CPVL: variants seen among roughly 807,000 people sequenced by gnomAD.
CPVL encodes probable serine carboxypeptidase CPVL.
In CPVL, 51 loss-of-function variants were observed where a neutral mutation model predicts 63.7. The observed-to-expected ratio is 0.80, with a 90% CI of 0.64 to 1.01. The LOEUF (loss-of-function observed/expected upper bound fraction) is 1.01. CPVL is among the 50% of genes least tolerant of loss of function. The pLI is 0.00. For synonymous variants in CPVL, 195 were observed against 206.0 expected (o/e 0.95, Z 0.46); for missense variants, 530 against 573.1 (o/e 0.92, Z 0.77).
Position 29,095,129 on chromosome 7 carries a change from G to A in CPVL, c.417C>T (p.Asp139=). 1 of 1,613,804 alleles carries A rather than the reference G, an allele frequency of 6.2e-7. No homozygotes were observed. The highest frequency in any genetic ancestry group is 1.1e-5 in the South Asian group (1 of 91,062). Residue 139 remains aspartate (D), a synonymous_variant, in exon 5 of 13, where the codon GAC becomes GAT. Transcript: ENST00000265394. ...VTSNMTLRDR[D]FPWTTTLSML... is the part of the protein sequence containing the mutation. Reference sequence around the variant, plus strand: ...TGGAGAGCGTTGTGGTCCAGGGGAAGTCTCTGTCACGCACTGTGAAAACAA... The same window carrying A: ...TGGAGAGCGTTGTGGTCCAGGGGAAATCTCTGTCACGCACTGTGAAAACAA...
intron 5 of CPVL, among the ~76,000 whole-genome samples, chr7:29,169,961 T>C (rs1358375915): frequency 6.6e-6 from 1 of 151,920 alleles, no homozygotes; most frequent in African/African-American, 2.4e-5. Context: ...ATTGCAGCCT[T>C]GAACCCCTGG....
intron 11 of CPVL, among the ~76,000 whole-genome samples, chr7:29,057,436 A>G (rs1732128781): frequency 6.6e-6 from 1 of 151,736 alleles, no homozygotes; most frequent in African/African-American, 2.4e-5. Context: ...ATTTTCTCCC[A>G]CTCTGTGGCT....
chr7:29,115,791 T>C (rs907198186), intron 2 of CPVL, among the ~76,000 whole-genome samples: 1 of 151,208 alleles, frequency 6.6e-6, no homozygotes, highest in Non-Finnish European at 1.5e-5. Flanking sequence ...AGAGAAAATA[T>C]ATAATAGAAA....
At chr7:29,043,559 T>C (rs981861116) in intron 11 of CPVL, among the ~76,000 whole-genome samples, 9 of 151,286 alleles carry the variant, frequency 5.9e-5, no homozygotes, top group African/African-American at 2.2e-4. Context: ...ATCTTCAGAG[T>C]GAAAAGAGTA....
intron 11 of CPVL, among the ~76,000 whole-genome samples, 171 bp downstream of exon 11, chr7:29,063,890 G>C (rs559600732): frequency 6.6e-6 from 1 of 151,232 alleles, no homozygotes; most frequent in East Asian, 1.9e-4. Flanking sequence ...AAATTAAAAG[G>C]AACAATATAA....
chr7:29,040,598 C>T (rs1788972116), intron 11 of CPVL, among the ~76,000 whole-genome samples: 1 of 152,048 alleles, frequency 6.6e-6, no homozygotes, highest in African/African-American at 2.4e-5. Flanking sequence ...CCAAGTTGTT[C>T]TTAAAAAGAG....
intron 12 of CPVL, among the ~76,000 whole-genome samples, chr7:29,030,139 C>T (rs536261968): frequency 6.6e-6 from 1 of 152,326 alleles, no homozygotes; most frequent in East Asian, 1.9e-4. Flanking sequence ...TAACATCTGA[C>T]CCCGCAGTGG....
intron 11 of CPVL, among the ~76,000 whole-genome samples, chr7:29,041,874 A>ATT (rs970027772): frequency 3.3e-5 from 5 of 152,216 alleles, no homozygotes; most frequent in African/African-American, 1.2e-4. Flanking sequence ...ATATGATGAC[A>ATT]TTATATATAT....
chr7:29,046,594 T>C (rs190066984), intron 11 of CPVL, among the ~76,000 whole-genome samples: 20 of 143,442 alleles, frequency 1.4e-4, no homozygotes, highest in Admixed American at 2.8e-4. Flanking sequence ...CACACACACA[T>C]ACTCATACAC....
intron 9 of CPVL, among the ~76,000 whole-genome samples, chr7:29,069,707 G>A (rs894756477): frequency 6.6e-6 from 1 of 151,822 alleles, no homozygotes; most frequent in Non-Finnish European, 1.5e-5. Context: ...CAATCTATTT[G>A]TGTATCCTTC....
intron 2 of CPVL, among the ~76,000 whole-genome samples, chr7:29,117,555 T>C (rs905651412): frequency 6.6e-6 from 1 of 152,094 alleles, no homozygotes; most frequent in African/African-American, 2.4e-5. Context: ...GGTTGGCCAG[T>C]ATAGGGTTTA....
intron 10 of CPVL, among the ~76,000 whole-genome samples, chr7:29,064,939 CG>C (rs5883184): frequency 0.85 from 127,849 of 151,046 alleles, 54,044 homozygotes; most frequent in South Asian, 0.91. Context: ...TAAAAAAAAC[CG>C]CACACACACA....
At chr7:29,114,067 A>G (rs576534001) in intron 2 of CPVL, among the ~76,000 whole-genome samples, 9 of 152,306 alleles carry the variant, frequency 5.9e-5, no homozygotes, top group East Asian at 1.9e-4. Context: ...CTGGAAGGCT[A>G]ATTGTTAGCA....
chr7:29,134,953 A>G (rs1791042949), intron 1 of CPVL, among the ~76,000 whole-genome samples: 1 of 151,984 alleles, frequency 6.6e-6, no homozygotes, highest in Admixed American at 6.6e-5. Context: ...GGTTTAAAAA[A>G]TTAGCCAGAC....
At chr7:29,063,249 C>T (rs1279325797) in intron 11 of CPVL, among the ~76,000 whole-genome samples, 10 of 152,176 alleles carry the variant, frequency 6.6e-5, no homozygotes, top group Non-Finnish European at 1.3e-4. Flanking sequence ...TGACCTACTT[C>T]CAAACAGGGA....
intron 1 of CPVL, among the ~76,000 whole-genome samples, chr7:29,140,961 G>T (rs1240079199): frequency 6.6e-6 from 1 of 152,220 alleles, no homozygotes; most frequent in Non-Finnish European, 1.5e-5. Flanking sequence ...GAAGTAGGAA[G>T]GTTGCATGAC....
chr7:29,170,348 T>C (rs1484824809), intron 5 of CPVL, among the ~76,000 whole-genome samples: 1 of 152,230 alleles, frequency 6.6e-6, no homozygotes, highest in Non-Finnish European at 1.5e-5. Context: ...TATGCTTTCC[T>C]TCATGTCAGT....
At chr7:29,036,106 A>C (rs927098759) in intron 11 of CPVL, among the ~76,000 whole-genome samples, 4 of 152,194 alleles carry the variant, frequency 2.6e-5, no homozygotes, top group African/African-American at 7.2e-5. Context: ...TCATGCTTCA[A>C]GTAAGCAGAG....
At chr7:29,163,680 C>G (rs908004891) in intron 5 of CPVL, among the ~76,000 whole-genome samples, 1 of 152,108 alleles carries the variant, frequency 6.6e-6, no homozygotes, top group Non-Finnish European at 1.5e-5. Flanking sequence ...CTCATTGCCC[C>G]CAAAAGTTTC....
Sources: allele counts gnomAD v4.1 joint callset (sites outside exome capture counted in the v4.1 genomes callset), GRCh38; gene constraint gnomAD v4.1.1; transcripts MANE v1.5; gene names NCBI Gene and HGNC (gene_info 2026-07-23, HGNC 2026-07-21).